The following ANAPC10 variants were observed in gnomAD, a reference collection of about 807,000 sequenced individuals.
The protein encoded by ANAPC10 is anaphase promoting complex subunit 10.
In ANAPC10, 12 loss-of-function variants were observed where a neutral mutation model predicts 22.0. The observed-to-expected ratio is 0.55, with a 90% CI of 0.35 to 0.88. ANAPC10 has a LOEUF of 0.88. Among genes scored for constraint, ANAPC10 ranks in the 40% least tolerant of loss-of-function variants. ANAPC10 has a pLI of 0.01. For synonymous variants in ANAPC10, 65 were observed against 69.5 expected (o/e 0.94, Z 0.32); for missense variants, 188 against 220.9 (o/e 0.85, Z 0.94).
chr4:145,052,610 AT>A (rs1291488747), intron 4 of ANAPC10, among the ~76,000 whole-genome samples: 2 of 152,098 alleles, frequency 1.3e-5, no homozygotes, highest in East Asian at 1.9e-4. Flanking sequence ...TTTAAAAAAA[AT>A]ATCGGGGGCT....
chr4:145,010,992 G>A lies in ANAPC10; in HGVS notation c.328-15389C>T, dbSNP rs537000192. Among the ~76,000 whole-genome samples the A allele has an allele frequency of 1.0e-3, 155 of 152,158 alleles. 3 individuals are homozygous for A. In the South Asian group the frequency reaches 0.031, roughly 31 times the overall value. Reference sequence around the variant, plus strand: ...GGCAAGACAGAAAGCTTCCACAATAGAAGTCACATGAAGAAGGTCTGGACT... The same window carrying A: ...GGCAAGACAGAAAGCTTCCACAATAAAAGTCACATGAAGAAGGTCTGGACT... On this transcript the variant is annotated intron_variant, in intron 4 of 4. Coordinates refer to ENST00000507656, the MANE Select transcript of ANAPC10 (RefSeq NM_001256706.2).
chr4:145,049,371 A>T (rs1323160855), intron 4 of ANAPC10, among the ~76,000 whole-genome samples: 1 of 152,204 alleles, frequency 6.6e-6, no homozygotes, highest in Non-Finnish European at 1.5e-5. Flanking sequence ...CATTTTGCTG[A>T]CAGTAGAAGT....
At chr4:145,081,874 T>TA in intron 2 of ANAPC10, 124 bp from the exon 3 acceptor site, 2 of 730,804 alleles carry the variant, frequency 2.7e-6, no homozygotes, top group South Asian at 3.4e-5. Flanking sequence ...AAATATTAAT[T>TA]TTTTTTTATT....
rs1578954678 is a variant in ANAPC10, at chr4:145,026,957, GTATATATA to G, written c.328-31362_328-31355del. Among the ~76,000 whole-genome samples the G allele has an allele frequency of 1.1e-3, 21 of 18,350 alleles. 1 individual carries two copies. The highest frequency in any genetic ancestry group is 4.4e-3 in the East Asian group (1 of 226). 12.0% of individuals were successfully genotyped at this position (18,350 alleles called of 152,430 possible). On this transcript the variant is annotated intron_variant, in intron 4 of 4. Coordinates refer to ENST00000507656, the MANE Select transcript of ANAPC10 (RefSeq NM_001256706.2). ...TATATATATATATATGTGTGTGTGT[GTATATATA>G]TATATATATATATATATATATATTT...
chr4:145,095,798 C>T (rs1486132047), intron 2 of ANAPC10, among the ~76,000 whole-genome samples, 187 bp downstream of exon 2: 2 of 151,988 alleles, frequency 1.3e-5, no homozygotes, highest in Non-Finnish European at 2.9e-5. Flanking sequence ...TTATAAATTA[C>T]ACTTTATCAC....
chr4:145,060,409 C>T (rs1184757514), intron 4 of ANAPC10, among the ~76,000 whole-genome samples: 2 of 151,912 alleles, frequency 1.3e-5, no homozygotes, highest in South Asian at 2.1e-4. Flanking sequence ...ACAATACATG[C>T]TTCATAACTA....
intron 4 of ANAPC10, among the ~76,000 whole-genome samples, chr4:145,000,774 G>C (rs977447550): frequency 6.6e-6 from 1 of 152,148 alleles, no homozygotes; most frequent in East Asian, 1.9e-4. Flanking sequence ...ATTCACAATA[G>C]CAAAGACTTG....
chr4:145,027,148 C>T (rs184626080), intron 4 of ANAPC10, among the ~76,000 whole-genome samples: 230 of 148,700 alleles, frequency 1.5e-3, no homozygotes, highest in African/African-American at 4.6e-3. Context: ...AGACTACAGG[C>T]GAGTGCCACC....
chr4:145,057,052 A>T (rs960153421), intron 4 of ANAPC10, among the ~76,000 whole-genome samples: 5 of 152,202 alleles, frequency 3.3e-5, no homozygotes, highest in African/African-American at 1.2e-4. Flanking sequence ...TTGAAAGAAA[A>T]TTCATCAACT....
intron 4 of ANAPC10, among the ~76,000 whole-genome samples, chr4:145,051,007 G>C (rs948313053): frequency 5.3e-5 from 8 of 152,212 alleles, no homozygotes; most frequent in African/African-American, 1.9e-4. Flanking sequence ...TTTGGAGCAA[G>C]AGGCCTAGTT....
At chr4:145,028,792 T>C (rs761922242) in intron 4 of ANAPC10, among the ~76,000 whole-genome samples, 6 of 152,214 alleles carry the variant, frequency 3.9e-5, no homozygotes, top group Non-Finnish European at 8.8e-5. Context: ...TTTGACCATA[T>C]GTGGAGAACC....
chr4:145,032,169 T>C (rs999011681), intron 4 of ANAPC10, among the ~76,000 whole-genome samples: 1 of 152,180 alleles, frequency 6.6e-6, no homozygotes, highest in African/African-American at 2.4e-5. Flanking sequence ...TTCTGCATGA[T>C]ATGCAGGCAC....
chr4:145,037,419 A>G (rs931249235), intron 4 of ANAPC10, among the ~76,000 whole-genome samples: 4 of 152,108 alleles, frequency 2.6e-5, no homozygotes, highest in Non-Finnish European at 4.4e-5. Context: ...CAGCCCTATC[A>G]CCATAAATTT....
At chr4:145,019,356 C>A (rs1469784578) in intron 4 of ANAPC10, among the ~76,000 whole-genome samples, 7 of 151,940 alleles carry the variant, frequency 4.6e-5, no homozygotes, top group Non-Finnish European at 8.8e-5. Context: ...ATCACTGGAC[C>A]AAAAATAAAA....
chr4:145,014,746 G>A lies in ANAPC10; in HGVS notation c.328-19143C>T, dbSNP rs575914277. 5.9e-5 allele frequency among the ~76,000 whole-genome samples: 9 copies of A among 152,120 alleles called. No homozygotes were observed. The South Asian group carries it at 1.0e-3, about 18-fold the overall frequency. ...ATCCATGGCTGAGAGACCCACAGAC[G>A]GTTCACATCACAGGACTCTGTGCAG... On this transcript the variant is annotated intron_variant, in intron 4 of 4. Coordinates refer to ENST00000507656, the MANE Select transcript of ANAPC10 (RefSeq NM_001256706.2).
chr4:145,093,495 AC>A (rs1748017254), intron 2 of ANAPC10, among the ~76,000 whole-genome samples: 1 of 151,886 alleles, frequency 6.6e-6, no homozygotes. Flanking sequence ...ACAGAAACAG[AC>A]CCAGAGATGA....
At chr4:145,005,048 C>A (rs896166280) in intron 4 of ANAPC10, among the ~76,000 whole-genome samples, 6 of 152,114 alleles carry the variant, frequency 3.9e-5, no homozygotes, top group African/African-American at 1.4e-4. Flanking sequence ...GATTCAATAT[C>A]TTCCTTGTTC....
At chr4:145,082,473 A>T (rs1284753946) in intron 2 of ANAPC10, among the ~76,000 whole-genome samples, 1 of 152,238 alleles carries the variant, frequency 6.6e-6, no homozygotes, top group Non-Finnish European at 1.5e-5. Context: ...GAACGTATGT[A>T]TTTAAACTCA....
chr4:145,061,758 C>G (rs1177970537), intron 4 of ANAPC10, among the ~76,000 whole-genome samples: 1 of 152,090 alleles, frequency 6.6e-6, no homozygotes, highest in Non-Finnish European at 1.5e-5. Flanking sequence ...CATCAGAGAA[C>G]TAAACACTGA....
Sources: allele counts gnomAD v4.1 joint callset (sites outside exome capture counted in the v4.1 genomes callset), GRCh38; gene constraint gnomAD v4.1.1; transcripts MANE v1.5; gene names NCBI Gene and HGNC (gene_info 2026-07-23, HGNC 2026-07-21).